Variants in CYTH3 observed in about 807,000 individuals in gnomAD.
CYTH3 encodes cytohesin-3.
A neutral mutation model predicts 55.1 loss-of-function variants in CYTH3; 23 were observed. The ratio of observed to expected loss-of-function variants is 0.42; its 90% confidence interval spans 0.30 to 0.59. The LOEUF is 0.59. CYTH3 is among the 20% of genes least tolerant of loss of function. The probability of loss-of-function intolerance (pLI) is 0.20; values close to 1 mark genes in which losing one functional copy is unlikely to be tolerated. For synonymous variants in CYTH3, 249 were observed against 194.9 expected, an observed-to-expected ratio of 1.28 and a Z score of -2.31; for missense variants, 413 against 524.8, an observed-to-expected ratio of 0.79 and a Z score of 2.08.
At chr7:6,217,240 T>G (rs144501992) in intron 1 of CYTH3, among the ~76,000 whole-genome samples, 19 of 152,296 alleles carry the variant, frequency 1.2e-4, no homozygotes, top group African/African-American at 4.6e-4. Flanking sequence ...GTAAAAGGTC[T>G]AAATATAAAT....
intron 1 of CYTH3, among the ~76,000 whole-genome samples, chr7:6,192,383 A>C (rs62454277): frequency 6.7e-6 from 1 of 150,140 alleles, no homozygotes; most frequent in East Asian, 2.0e-4. Context: ...ATGTCTGGCT[A>C]ATTTTTTTTT....
At chr7:6,228,163 T>C (rs922645829) in intron 1 of CYTH3, among the ~76,000 whole-genome samples, 2 of 152,254 alleles carry the variant, frequency 1.3e-5, no homozygotes, top group Admixed American at 1.3e-4. Context: ...CTCTATTCCC[T>C]TTCATTACCT....
chr7:6,189,248 T>G (rs1016464091), intron 2 of CYTH3, among the ~76,000 whole-genome samples: 1 of 152,132 alleles, frequency 6.6e-6, no homozygotes, highest in African/African-American at 2.4e-5. Context: ...TACCCCATCC[T>G]CTGAGTAAAG....
At chr7:6,229,507 G>T (rs921150580) in intron 1 of CYTH3, among the ~76,000 whole-genome samples, 9 of 151,904 alleles carry the variant, frequency 5.9e-5, no homozygotes, top group Admixed American at 2.0e-4. Flanking sequence ...GGTCGAGTAG[G>T]GCTCATAGAA....
chr7:6,227,875 C>T (rs1203834503), intron 1 of CYTH3, among the ~76,000 whole-genome samples: 1 of 152,180 alleles, frequency 6.6e-6, no homozygotes, highest in Non-Finnish European at 1.5e-5. Flanking sequence ...TGGACCTCGG[C>T]TGAACCAGGG....
At chr7:6,272,177 C>A (rs1267703733) in intron 1 of CYTH3, among the ~76,000 whole-genome samples, 1 of 152,144 alleles carries the variant, frequency 6.6e-6, no homozygotes, top group Non-Finnish European at 1.5e-5. Flanking sequence ...CCCAGAGGAG[C>A]GACACCCAAA....
At chr7:6,267,556 C>T (rs901125763) in intron 1 of CYTH3, among the ~76,000 whole-genome samples, 6 of 152,116 alleles carry the variant, frequency 3.9e-5, no homozygotes, top group Admixed American at 6.5e-5. Context: ...GTTTTGAGAC[C>T]GAGTCTCACT....
chr7:6,265,611 T>G lies in CYTH3; in HGVS notation c.34+6863A>C, dbSNP rs1211342076. Among the ~76,000 whole-genome samples the G allele has an allele frequency of 3.2e-5, 4 of 126,280 alleles. No homozygotes were observed. In the East Asian group the frequency reaches 8.9e-4, roughly 28 times the overall value. The allele number at this position is 126,280 out of a possible 152,430, so 82.8% of individuals were successfully genotyped here. ...TCCAGCCCAGGTGACAGAGCAAGAC[T>G]CCATTTCAAAAAAAAAAAAAAAAAG... On this transcript the variant is annotated intron_variant, in intron 1 of 12. Transcript: ENST00000350796.
chr7:6,179,572 C>G (rs1480309265), intron 4 of CYTH3, among the ~76,000 whole-genome samples: 1 of 151,174 alleles, frequency 6.6e-6, no homozygotes, highest in Non-Finnish European at 1.5e-5. Context: ...GGGGCACCAT[C>G]TAAATTACAA....
intron 4 of CYTH3, among the ~76,000 whole-genome samples, chr7:6,180,174 G>C (rs962551032): frequency 5.3e-5 from 8 of 152,316 alleles, no homozygotes; most frequent in South Asian, 2.1e-4. Context: ...CTACAGGGCT[G>C]GGGGCCTGAC....
At chr7:6,244,856 T>C (rs1298382752) in intron 1 of CYTH3, among the ~76,000 whole-genome samples, 1 of 148,386 alleles carries the variant, frequency 6.7e-6, no homozygotes, top group Non-Finnish European at 1.5e-5. Flanking sequence ...TGGTGCAATC[T>C]CGGCTCACTG....
chr7:6,238,611 G>A (rs1247714813), intron 1 of CYTH3, among the ~76,000 whole-genome samples: 2 of 152,110 alleles, frequency 1.3e-5, no homozygotes, highest in Non-Finnish European at 2.9e-5. Context: ...ATAACGGTGG[G>A]TACTCATCAT....
chr7:6,259,802 TATATATATATAATATATATATATATATA>T (rs1780286695), intron 1 of CYTH3, among the ~76,000 whole-genome samples: 27 of 27,770 alleles, frequency 9.7e-4, no homozygotes, highest in Non-Finnish European at 9.6e-4. Context: ...TATATATATA[TATATATATATAATATATATATATATATA>T]TATTTTTTTT....
intron 1 of CYTH3, among the ~76,000 whole-genome samples, chr7:6,200,845 T>C (rs1007506077): frequency 1.3e-5 from 2 of 152,178 alleles, no homozygotes; most frequent in Non-Finnish European, 2.9e-5. Context: ...AGCCTCAGCG[T>C]CCCAAACTCA....
chr7:6,203,501 A>T (rs1358389007), intron 1 of CYTH3, among the ~76,000 whole-genome samples: 4 of 152,242 alleles, frequency 2.6e-5, no homozygotes, highest in Non-Finnish European at 5.9e-5. Context: ...TAAGATCAAC[A>T]AAGTCTCAGC....
intron 1 of CYTH3, among the ~76,000 whole-genome samples, chr7:6,211,390 G>C (rs773498987): frequency 6.6e-6 from 1 of 152,242 alleles, no homozygotes; most frequent in South Asian, 2.1e-4. Flanking sequence ...GCCACACTGC[G>C]GAGCCTGACT....
chr7:6,179,746 A>C (rs376651860), intron 4 of CYTH3, among the ~76,000 whole-genome samples: 86 of 44,700 alleles, frequency 1.9e-3, no homozygotes, highest in African/African-American at 0.018. Flanking sequence ...CACCACACAC[A>C]CCCCACACCC....
rs535191180 is a variant in CYTH3 at position 6,186,716 on chromosome 7, G to A, written c.249+334C>T. On this transcript the variant is annotated intron_variant, in intron 4 of 12. Transcript: ENST00000350796. ...TGATTCCCTGACCCAGGTCAAGCGG[G>A]AAGATGCGAATATGAGCCTCGACAG... Among the ~76,000 whole-genome samples the A allele has an allele frequency of 7.9e-5, 12 of 152,282 alleles. No homozygotes were observed. The South Asian group carries it at 1.2e-3, about 16-fold the overall frequency.
intron 1 of CYTH3, among the ~76,000 whole-genome samples, chr7:6,259,756 AT>A (rs56880633): frequency 0.056 from 680 of 12,164 alleles, 39 homozygotes; most frequent in East Asian, 0.091. Flanking sequence ...ATATATATAT[AT>A]TATATATATA....
Sources: gnomAD v4.1 joint callset for allele counts (sites outside exome capture counted in the v4.1 genomes callset) on GRCh38, gnomAD v4.1.1 for gene constraint, MANE v1.5 for transcripts, NCBI Gene and HGNC (gene_info 2026-07-23, HGNC 2026-07-21) for gene names.